LRP1B: variants seen among roughly 807,000 people sequenced by gnomAD.
LRP1B encodes low-density lipoprotein receptor-related protein 1B.
Under a neutral mutation model 556.6 loss-of-function variants are expected in LRP1B, and 217 were observed. That is an observed-to-expected ratio of 0.39 (90% CI 0.35 to 0.44). LRP1B has a LOEUF of 0.44. LRP1B is among the 20% of genes least tolerant of loss of function. LRP1B has a pLI of 1.00. For synonymous variants in LRP1B, 2,047 were observed against 1,865.8 expected, an observed-to-expected ratio of 1.10 and a Z score of -2.50; for missense variants, 5,053 against 5,620.8, an observed-to-expected ratio of 0.90 and a Z score of 3.23.
chr2:141,535,297 C>T (rs903078726), intron 2 of LRP1B, among the ~76,000 whole-genome samples: 2 of 152,110 alleles, frequency 1.3e-5, no homozygotes, highest in African/African-American at 4.8e-5. Flanking sequence ...GAATACTTCC[C>T]TTTCAACTTT....
intron 2 of LRP1B, among the ~76,000 whole-genome samples, chr2:141,786,232 T>C (rs1695427391): frequency 1.3e-5 from 2 of 152,010 alleles, no homozygotes; most frequent in Admixed American, 1.3e-4. Context: ...TTATTTTTTC[T>C]ACAATAAAAG....
chr2:140,862,121 CT>C (rs1275197152), intron 27 of LRP1B, among the ~76,000 whole-genome samples: 2 of 152,080 alleles, frequency 1.3e-5, no homozygotes, highest in Admixed American at 1.3e-4. Flanking sequence ...CCTTTTTAGC[CT>C]TAAATATTCA....
intron 3 of LRP1B, among the ~76,000 whole-genome samples, chr2:141,403,974 G>A (rs893441101): frequency 6.6e-6 from 1 of 152,114 alleles, no homozygotes; most frequent in Admixed American, 6.6e-5. Context: ...GAATGAGAAG[G>A]CATTCTTTCT....
chr2:140,981,148 A>G (rs1696757827), intron 18 of LRP1B, among the ~76,000 whole-genome samples: 1 of 151,944 alleles, frequency 6.6e-6, no homozygotes, highest in African/African-American at 2.4e-5. Flanking sequence ...AGTACAGTGT[A>G]CTCTGCTCGG....
intron 23 of LRP1B, among the ~76,000 whole-genome samples, chr2:140,889,312 T>C (rs1693731232): frequency 6.6e-6 from 1 of 152,230 alleles, no homozygotes; most frequent in African/African-American, 2.4e-5. Flanking sequence ...ACTTTTCTTT[T>C]TGAGACAGAG....
chr2:140,378,148 T>A (rs2105182587), intron 68 of LRP1B, 32 bp downstream of exon 68: 1 of 1,427,932 alleles, frequency 7.0e-7, no homozygotes, highest in Non-Finnish European at 9.8e-7. Flanking sequence ...TCTAAAGCGC[T>A]GCTTTCTTTT....
At chr2:140,525,354 A>G (rs11890379) in intron 49 of LRP1B, among the ~76,000 whole-genome samples, 8,108 of 151,950 alleles carry the variant, frequency 0.053, 705 homozygotes, top group African/African-American at 0.18. Flanking sequence ...AAAGATGGTT[A>G]ACAGTCAGAT....
intron 1 of LRP1B, among the ~76,000 whole-genome samples, chr2:142,066,533 T>G (rs1279900470): frequency 6.6e-6 from 1 of 151,496 alleles, no homozygotes; most frequent in East Asian, 1.9e-4. Context: ...TGATTCTTCA[T>G]TAGCAACATC....
intron 85 of LRP1B, 34 bp downstream of exon 85, chr2:140,274,390 A>G: frequency 6.3e-7 from 1 of 1,591,462 alleles, no homozygotes; most frequent in African/African-American, 1.3e-5. Context: ...TGGTGTCCAA[A>G]TGCTTTTATA....
rs559180966 is a variant in LRP1B, at chr2:141,264,877, T to G, written c.344-10236A>C. Among the ~76,000 whole-genome samples the G allele has an allele frequency of 2.0e-5, 3 of 152,326 alleles. No homozygotes were observed. In the South Asian group the frequency reaches 6.2e-4, roughly 32 times the overall value. The stretch of plus-strand genomic sequence containing the variant: ...TACGTGGCTGTGCCTGGTCAAGCCT[T>G]GGGAGGCTGAGGCTATAGAGTTTCA... On this transcript the variant is annotated intron_variant, in intron 3 of 90. Transcript: ENST00000389484.
intron 21 of LRP1B, among the ~76,000 whole-genome samples, chr2:140,910,059 T>TA (rs957270995): frequency 1.5e-5 from 2 of 130,342 alleles, no homozygotes; most frequent in East Asian, 2.3e-4. Flanking sequence ...TATTTTAAGT[T>TA]AAAAAATAAA....
At chr2:140,874,867 A>C (rs1573829686) in intron 25 of LRP1B, among the ~76,000 whole-genome samples, 1 of 151,924 alleles carries the variant, frequency 6.6e-6, no homozygotes, top group East Asian at 1.9e-4. Flanking sequence ...AAAAATAAAA[A>C]AAATAGCGGG....
intron 1 of LRP1B, among the ~76,000 whole-genome samples, chr2:142,073,529 C>T (rs1166112391): frequency 5.9e-5 from 9 of 152,114 alleles, no homozygotes; most frequent in Admixed American, 4.6e-4. Context: ...TGAAAAGTAG[C>T]TGCTTCTTTA....
intron 18 of LRP1B, among the ~76,000 whole-genome samples, chr2:140,973,533 T>C (rs960765010): frequency 2.0e-5 from 3 of 152,050 alleles, no homozygotes; most frequent in Non-Finnish European, 4.4e-5. Flanking sequence ...ATGTAAACAT[T>C]GGAAATATCC....
intron 37 of LRP1B, among the ~76,000 whole-genome samples, chr2:140,704,477 C>G (rs16844564): frequency 6.6e-6 from 1 of 151,934 alleles, no homozygotes; most frequent in African/African-American, 2.4e-5. Context: ...AAAGGAAAAA[C>G]TTTGTAGCAT....
intron 20 of LRP1B, among the ~76,000 whole-genome samples, chr2:140,935,709 C>T (rs1695183190): frequency 1.3e-5 from 2 of 152,158 alleles, no homozygotes; most frequent in Admixed American, 1.3e-4. Context: ...CACCAACACA[C>T]ATTATAAGCA....
At chr2:141,864,947 A>T (rs1243964775) in intron 1 of LRP1B, among the ~76,000 whole-genome samples, 1 of 152,126 alleles carries the variant, frequency 6.6e-6, no homozygotes, top group Non-Finnish European at 1.5e-5. Flanking sequence ...TTGTTAATAA[A>T]GCTCATGTCA....
chr2:141,443,232 T>C (rs1362758305), intron 3 of LRP1B, among the ~76,000 whole-genome samples: 1 of 152,244 alleles, frequency 6.6e-6, no homozygotes, highest in Non-Finnish European at 1.5e-5. Context: ...TGTCTTCTTT[T>C]GAGAAGTGTC....
chr2:141,615,877 C>T (rs62166498), intron 2 of LRP1B, among the ~76,000 whole-genome samples: 26,368 of 152,034 alleles, frequency 0.17, 2,820 homozygotes, highest in South Asian at 0.32. Context: ...ATCCTATAAA[C>T]AGTAATAGCA....
Sources: gnomAD v4.1 joint callset for allele counts (sites outside exome capture counted in the v4.1 genomes callset) on GRCh38, gnomAD v4.1.1 for gene constraint, MANE v1.5 for transcripts, NCBI Gene and HGNC (gene_info 2026-07-23, HGNC 2026-07-21) for gene names.